Variants in GTF2A1L observed in about 807,000 individuals in gnomAD.
The protein encoded by GTF2A1L is TFIIA-alpha and beta-like factor.
GTF2A1L carries 48 observed loss-of-function variants against 49.7 expected under a neutral mutation model. The observed-to-expected ratio is 0.97, with a 90% CI of 0.77 to 1.23. GTF2A1L has a LOEUF of 1.23. Ranked by LOEUF, GTF2A1L falls within the 50% of genes most tolerant of loss-of-function variation. The probability of loss-of-function intolerance (pLI) is 0.00; values close to 1 mark genes in which losing one functional copy is unlikely to be tolerated. For synonymous variants in GTF2A1L, 246 were observed against 193.5 expected, an observed-to-expected ratio of 1.27 and a Z score of -2.25; for missense variants, 736 against 564.8, an observed-to-expected ratio of 1.30 and a Z score of -3.07.
At chr2:48,676,887 G>T (rs903088137) in intron 8 of GTF2A1L, among the ~76,000 whole-genome samples, 3 of 148,148 alleles carry the variant, frequency 2.0e-5, no homozygotes, top group African/African-American at 7.4e-5. Context: ...TTTGGTGTTT[G>T]TCTTGGTGTA....
chr2:48,660,347 A>G (rs1678420711), intron 6 of GTF2A1L, among the ~76,000 whole-genome samples: 1 of 152,108 alleles, frequency 6.6e-6, no homozygotes, highest in African/African-American at 2.4e-5. Flanking sequence ...TTTGAGGATG[A>G]TTGGTATTCA....
chr2:48,668,005 T>C (rs1371248027), intron 6 of GTF2A1L, among the ~76,000 whole-genome samples: 2 of 152,176 alleles, frequency 1.3e-5, no homozygotes, highest in African/African-American at 2.4e-5. Flanking sequence ...CCCAAGACTT[T>C]CCAGGCTGAT....
chr2:48,675,727 C>T (rs1193780717), intron 8 of GTF2A1L, among the ~76,000 whole-genome samples: 2 of 151,844 alleles, frequency 1.3e-5, no homozygotes, highest in Non-Finnish European at 2.9e-5. Context: ...CCTATATCTT[C>T]GTTTGACAGT....
At chr2:48,668,453 G>T (rs1239665304) in intron 6 of GTF2A1L, 3 of 152,142 alleles carry the variant, frequency 2.0e-5, no homozygotes, top group Non-Finnish European at 4.4e-5. Flanking sequence ...CTGATCTTAA[G>T]GAGCTTGACA....
intron 6 of GTF2A1L, chr2:48,647,261 C>G: frequency 2.2e-6 from 1 of 454,500 alleles, no homozygotes; most frequent in Non-Finnish European, 3.8e-6. Flanking sequence ...TTTAAGTGTA[C>G]AGATCAGTAG....
intron 6 of GTF2A1L, among the ~76,000 whole-genome samples, chr2:48,651,789 C>T (rs181595404): frequency 6.6e-6 from 1 of 152,174 alleles, no homozygotes; most frequent in East Asian, 1.9e-4. Context: ...TGCTTGAAGC[C>T]CTTGTTTGAT....
rs762416958 is a variant in GTF2A1L, at chr2:48,646,823, C to T, written c.759C>T (p.Val253=). ...SLPGVVFSPQ[V]SQTNSNVESV... is the part of the protein sequence containing the mutation. Reference sequence around the variant, plus strand: ...CAGGTGTTGTATTTTCTCCACAGGTCTCTCAAACAAATTCTAATGTGGAGT... The same window carrying T: ...CAGGTGTTGTATTTTCTCCACAGGTTTCTCAAACAAATTCTAATGTGGAGT... The change falls in exon 6 of 9, where the codon GTC becomes GTT. Residue 253 remains valine, a synonymous_variant. Transcript: ENST00000403751. 4 of 1,614,038 alleles carry T rather than the reference C, an allele frequency of 2.5e-6. No homozygotes were observed. In the African/African-American group the frequency reaches 4.0e-5, roughly 16 times the overall value.
At chr2:48,655,827 C>T (rs777449675) in intron 6 of GTF2A1L, among the ~76,000 whole-genome samples, 56 of 152,082 alleles carry the variant, frequency 3.7e-4, no homozygotes, top group Non-Finnish European at 6.5e-4. Flanking sequence ...AAACTCCATG[C>T]CCATTAAGCA....
At chr2:48,662,172 C>T (rs1342227821) in intron 6 of GTF2A1L, among the ~76,000 whole-genome samples, 4 of 152,100 alleles carry the variant, frequency 2.6e-5, no homozygotes, top group Non-Finnish European at 5.9e-5. Context: ...ACAACTTTGC[C>T]CTCCCCTACT....
At chr2:48,673,098 C>T (rs1679258479) in intron 8 of GTF2A1L, among the ~76,000 whole-genome samples, 1 of 152,148 alleles carries the variant, frequency 6.6e-6, no homozygotes, top group Admixed American at 6.5e-5. Flanking sequence ...TTTCAAGAGT[C>T]ATCCATGTTG....
At position 48,652,475 on chromosome 2, in the gene GTF2A1L, G is replaced by A. The variant is rs183120181; in HGVS notation, c.978+5433G>A. 3.3e-3 allele frequency among the ~76,000 whole-genome samples: 499 copies of A among 151,640 alleles called. 3 individuals carry two copies. Among genetic ancestry groups the A allele is most frequent in the African/African-American group, 0.011 (465 of 41,386 alleles). On this transcript the variant is annotated intron_variant, in intron 6 of 8. Transcript: ENST00000403751. The stretch of plus-strand genomic sequence containing the variant: ...TACTAAAAATACAAAAATTAGCGGA[G>A]TGTGGTGGCAGGCACCTGTAATCCC...
At chr2:48,663,184 AG>A (rs1350424333) in intron 6 of GTF2A1L, among the ~76,000 whole-genome samples, 1 of 152,200 alleles carries the variant, frequency 6.6e-6, no homozygotes, top group Non-Finnish European at 1.5e-5. Flanking sequence ...CTGTAATCCC[AG>A]TACTTTGGGA....
At chr2:48,649,853 C>G (rs1396543167) in intron 6 of GTF2A1L, among the ~76,000 whole-genome samples, 1 of 152,232 alleles carries the variant, frequency 6.6e-6, no homozygotes, top group Non-Finnish European at 1.5e-5. Flanking sequence ...CTTCCTTCCT[C>G]ACATGAATAT....
At chr2:48,635,377 A>G (rs991144571) in intron 3 of GTF2A1L, among the ~76,000 whole-genome samples, 1 of 152,072 alleles carries the variant, frequency 6.6e-6, no homozygotes, top group Non-Finnish European at 1.5e-5. Flanking sequence ...TGTCCATGAA[A>G]GATGAGTGGC....
At chr2:48,650,238 G>A (rs951213977) in intron 6 of GTF2A1L, among the ~76,000 whole-genome samples, 1 of 152,082 alleles carries the variant, frequency 6.6e-6, no homozygotes, top group Non-Finnish European at 1.5e-5. Context: ...TTTAAGGATA[G>A]GATCTAGAAT....
At chr2:48,637,681 C>T (rs538767697) in intron 3 of GTF2A1L, among the ~76,000 whole-genome samples, 34 of 152,190 alleles carry the variant, frequency 2.2e-4, no homozygotes, top group African/African-American at 7.7e-4. Flanking sequence ...TTAATGAATC[C>T]AGGAGTTGGT....
At chr2:48,628,012 T>C (rs918097560) in intron 3 of GTF2A1L, among the ~76,000 whole-genome samples, 1 of 144,270 alleles carries the variant, frequency 6.9e-6, no homozygotes, top group African/African-American at 2.5e-5. Context: ...TCACTTAGGA[T>C]ACCAGCCTCC....
chr2:48,642,576 C>T lies in GTF2A1L; in HGVS notation c.303+119C>T, dbSNP rs556285882. ...CCAGTTGAAAGTGAAAAGATGTGGC[C>T]GGGCGCGGTGGCTCACGCCTGTAAT... On this transcript the variant is annotated intron_variant, in intron 4 of 8. Transcript: ENST00000403751. 6.1e-5 allele frequency: 59 copies of T among 972,064 alleles called. 1 individual carries two copies. In the Admixed American group the frequency reaches 7.4e-4, roughly 12 times the overall value. The allele number at this position is 972,064 out of a possible 1,614,324, so 60.2% of individuals were successfully genotyped here.
At chr2:48,630,017 A>C (rs965610098) in intron 3 of GTF2A1L, among the ~76,000 whole-genome samples, 2 of 144,218 alleles carry the variant, frequency 1.4e-5, no homozygotes, top group African/African-American at 2.5e-5. Flanking sequence ...TGGTTACTAT[A>C]GACTTATAGT....
Sources: allele counts gnomAD v4.1 joint callset (sites outside exome capture counted in the v4.1 genomes callset), GRCh38; gene constraint gnomAD v4.1.1; transcripts MANE v1.5; gene names NCBI Gene and HGNC (gene_info 2026-07-23, HGNC 2026-07-21).